The following BNC2 variants were observed in gnomAD, a reference collection of about 807,000 sequenced individuals.
BNC2 encodes zinc finger protein basonuclin-2.
BNC2 carries 20 observed loss-of-function variants against 76.3 expected under a neutral mutation model. That is an observed-to-expected ratio of 0.26 (90% confidence interval 0.18 to 0.38). The LOEUF (loss-of-function observed/expected upper bound fraction) is 0.38. Ranked by LOEUF, BNC2 falls within the 10% of genes least tolerant of loss-of-function variation. The pLI is 1.00. For synonymous variants in BNC2, 582 were observed against 514.8 expected (o/e 1.13, Z -1.77); for missense variants, 1,382 against 1,399.8 (o/e 0.99, Z 0.20).
At chr9:16,524,544 C>A (rs568315350) in intron 5 of BNC2, among the ~76,000 whole-genome samples, 1 of 151,890 alleles carries the variant, frequency 6.6e-6, no homozygotes, top group East Asian at 1.9e-4. Context: ...AGGATTATAC[C>A]TAAAAATATT....
intron 1 of BNC2, among the ~76,000 whole-genome samples, chr9:16,807,661 C>A (rs933812615): frequency 4.6e-5 from 7 of 152,124 alleles, no homozygotes; most frequent in African/African-American, 1.7e-4. Context: ...ACACTTAATT[C>A]CTGCTTACAT....
At chr9:16,700,116 T>A (rs952682701) in intron 3 of BNC2, among the ~76,000 whole-genome samples, 12 of 152,334 alleles carry the variant, frequency 7.9e-5, no homozygotes, top group African/African-American at 2.9e-4. Flanking sequence ...ACCCAAACTT[T>A]AACCTTCAAA....
At chr9:16,437,545 A>G in intron 5 of BNC2, 21 bp from the exon 6 acceptor site, 1 of 1,607,480 alleles carries the variant, frequency 6.2e-7, no homozygotes, top group African/African-American at 1.3e-5. Context: ...CATCAAAGAA[A>G]CAACAAAGAC....
At chr9:16,583,511 T>C (rs889003060) in intron 3 of BNC2, among the ~76,000 whole-genome samples, 1 of 152,120 alleles carries the variant, frequency 6.6e-6, no homozygotes, top group Admixed American at 6.5e-5. Flanking sequence ...GAAAGTAAAA[T>C]ATGGCACACA....
intron 1 of BNC2, among the ~76,000 whole-genome samples, chr9:16,780,518 G>C (rs757377289): frequency 6.6e-6 from 1 of 151,034 alleles, no homozygotes; most frequent in African/African-American, 2.4e-5. Flanking sequence ...GCTGCAGTGA[G>C]CCGAGATCAC....
chr9:16,830,574 G>T (rs1482588775), intron 1 of BNC2, among the ~76,000 whole-genome samples: 1 of 152,154 alleles, frequency 6.6e-6, no homozygotes, highest in Non-Finnish European at 1.5e-5. Flanking sequence ...ATCCACGGTT[G>T]GTTGAATCTG....
At chr9:16,779,993 T>A (rs980224447) in intron 1 of BNC2, among the ~76,000 whole-genome samples, 6 of 149,844 alleles carry the variant, frequency 4.0e-5, no homozygotes, top group African/African-American at 1.5e-4. Flanking sequence ...TCCCAGCACT[T>A]TGGGAGGCCG....
At chr9:16,602,365 G>A (rs1381992635) in intron 3 of BNC2, among the ~76,000 whole-genome samples, 2 of 152,088 alleles carry the variant, frequency 1.3e-5, no homozygotes, top group Non-Finnish European at 2.9e-5. Context: ...CTTAGTATTT[G>A]GAAGTCCCAA....
chr9:16,670,187 G>T (rs1822433737), intron 3 of BNC2, among the ~76,000 whole-genome samples: 1 of 151,958 alleles, frequency 6.6e-6, no homozygotes, highest in Non-Finnish European at 1.5e-5. Context: ...TACCTATTCG[G>T]GTTCCTAGGA....
intron 1 of BNC2, among the ~76,000 whole-genome samples, chr9:16,766,561 A>C (rs1586866770): frequency 6.6e-6 from 1 of 152,276 alleles, no homozygotes; most frequent in East Asian, 1.9e-4. Context: ...CCTTTTGTTT[A>C]TTTTCACTCA....
At chr9:16,589,754 C>G (rs554736553) in intron 3 of BNC2, among the ~76,000 whole-genome samples, 1 of 152,054 alleles carries the variant, frequency 6.6e-6, no homozygotes, top group Non-Finnish European at 1.5e-5. Context: ...GTGATCCACC[C>G]GCCTCGGCCT....
intron 1 of BNC2, among the ~76,000 whole-genome samples, chr9:16,799,813 T>C (rs889150136): frequency 6.6e-6 from 1 of 152,120 alleles, no homozygotes; most frequent in Non-Finnish European, 1.5e-5. Flanking sequence ...AGCGGTAACC[T>C]TGTCAGATTT....
chr9:16,775,613 C>A, intron 1 of BNC2: 1 of 182,526 alleles, frequency 5.5e-6, no homozygotes, highest in Non-Finnish European at 1.2e-5. Context: ...AATGGAAAGA[C>A]CTTGATCCCA....
chr9:16,746,143 CCTAA>C (rs1429120328), intron 1 of BNC2, among the ~76,000 whole-genome samples: 4 of 152,026 alleles, frequency 2.6e-5, no homozygotes, highest in African/African-American at 4.8e-5. Context: ...AATTGGTTCT[CCTAA>C]CTATGTTTAC....
At chr9:16,615,160 G>A (rs75305548) in intron 3 of BNC2, among the ~76,000 whole-genome samples, 3 of 152,076 alleles carry the variant, frequency 2.0e-5, no homozygotes, top group South Asian at 2.1e-4. Flanking sequence ...CATAATTAAC[G>A]AATGGTGGGC....
intron 1 of BNC2, among the ~76,000 whole-genome samples, chr9:16,740,430 T>C (rs917643885): frequency 3.3e-5 from 5 of 152,184 alleles, no homozygotes; most frequent in Non-Finnish European, 7.3e-5. Flanking sequence ...GGTCAATGAG[T>C]GTTCAACATA....
At chr9:16,778,791 C>G (rs1342753838) in intron 1 of BNC2, among the ~76,000 whole-genome samples, 2 of 152,064 alleles carry the variant, frequency 1.3e-5, no homozygotes, top group Non-Finnish European at 2.9e-5. Flanking sequence ...AGAAAGGACT[C>G]CATTATCCTC....
intron 3 of BNC2, among the ~76,000 whole-genome samples, chr9:16,716,347 T>G (rs1823995202): frequency 6.6e-6 from 1 of 152,200 alleles, no homozygotes; most frequent in South Asian, 2.1e-4. Context: ...AAATAGACAT[T>G]ATTATGGGTT....
At chr9:16,766,146 T>C (rs1347856600) in intron 1 of BNC2, among the ~76,000 whole-genome samples, 1 of 152,172 alleles carries the variant, frequency 6.6e-6, no homozygotes, top group Admixed American at 6.5e-5. Context: ...GTAAACGATA[T>C]CACTTTTCAA....
Sources: allele counts gnomAD v4.1 joint callset (sites outside exome capture counted in the v4.1 genomes callset), GRCh38; gene constraint gnomAD v4.1.1; transcripts MANE v1.5; gene names NCBI Gene and HGNC (gene_info 2026-07-23, HGNC 2026-07-21).